IBA57: variants seen among roughly 807,000 people sequenced by gnomAD.
The protein encoded by IBA57 is iron-sulfur cluster assembly factor IBA57, mitochondrial.
IBA57 carries 20 observed loss-of-function variants against 20.4 expected under a neutral mutation model. That is an observed-to-expected ratio of 0.98 (90% CI 0.69 to 1.42). The LOEUF is 1.42. IBA57 is among the 40% of genes most tolerant of loss of function. The pLI is 0.00. For missense variants in IBA57, 608 were observed against 499.3 expected (o/e 1.22, Z -2.07); for synonymous variants, 310 against 233.9 (o/e 1.33, Z -2.97).
chr1:228,174,131 G>A (rs542070190), intron 1 of IBA57, among the ~76,000 whole-genome samples: 64 of 151,710 alleles, frequency 4.2e-4, no homozygotes, highest in African/African-American at 1.2e-3. Flanking sequence ...GTGGCTCGCT[G>A]TGGGCGTGGC....
At chr1:228,166,404 G>C (rs1325416244) in intron 1 of IBA57, among the ~76,000 whole-genome samples, 1 of 152,220 alleles carries the variant, frequency 6.6e-6, no homozygotes, top group South Asian at 2.1e-4. Flanking sequence ...CAGCACCCGG[G>C]GGAGGGCACC....
intron 1 of IBA57, among the ~76,000 whole-genome samples, chr1:228,167,859 C>T (rs1273763668): frequency 6.6e-6 from 1 of 152,226 alleles, no homozygotes; most frequent in East Asian, 1.9e-4. Flanking sequence ...ATTTCTTCAT[C>T]TTAAGAACTA....
intron 1 of IBA57, chr1:228,173,093 T>G (rs2034948829): frequency 1.3e-5 from 2 of 152,392 alleles, no homozygotes; most frequent in Admixed American, 6.5e-5. Context: ...TTCTGGGTGA[T>G]GAGCGTGAAC....
chr1:228,166,872 C>T (rs962262764), intron 1 of IBA57, among the ~76,000 whole-genome samples: 2 of 152,092 alleles, frequency 1.3e-5, no homozygotes, highest in African/African-American at 4.8e-5. Context: ...CTATGGCGGA[C>T]CCGGTTCTTG....
chr1:228,181,910 C>G lies in IBA57; in HGVS notation c.*6397C>G, dbSNP rs1202863058. 2.0e-5 allele frequency: 3 copies of G among 152,270 alleles called. No individual in the cohort carries two copies. Among genetic ancestry groups the G allele is most frequent in the African/African-American group, 7.2e-5 (3 of 41,456 alleles). 9.4% of individuals were successfully genotyped at this position (152,270 alleles called of 1,614,324 possible). Reference sequence around the variant, plus strand: ...CATGGAGACCCAGGGCAGTGCTCCACGTGCCAACCCTGGGGCAGGGAGCCC... The same window carrying G: ...CATGGAGACCCAGGGCAGTGCTCCAGGTGCCAACCCTGGGGCAGGGAGCCC... On this transcript the variant is annotated 3_prime_UTR_variant, in exon 3 of 3. Coordinates refer to ENST00000366711, the MANE Select transcript of IBA57 (RefSeq NM_001010867.4).
Position 228,179,148 on chromosome 1 carries a change from C to T in IBA57, c.*3635C>T, listed in dbSNP as rs902116376. 15 of 150,228 alleles carry T rather than the reference C, an allele frequency of 1.0e-4. No homozygotes were observed. The highest frequency in any genetic ancestry group is 3.2e-4 in the African/African-American group (13 of 40,770). 9.3% of individuals were successfully genotyped at this position (150,228 alleles called of 1,614,324 possible). On this transcript the variant is annotated 3_prime_UTR_variant, in exon 3 of 3. Coordinates refer to ENST00000366711, the MANE Select transcript of IBA57 (RefSeq NM_001010867.4). ...TAAGGTACAGGAAAGAAATTGTCAA[C>T]ACACACACACAGTACCATAAACAAG...
rs1162408697 is a variant in IBA57 at position 228,182,085 on chromosome 1, ACT to A, written c.*6578_*6579del. 1.3e-5 allele frequency: 2 copies of A among 151,898 alleles called. No individual in the cohort carries two copies. The highest frequency in any genetic ancestry group is 4.8e-5 in the African/African-American group (2 of 41,330). The allele number at this position is 151,898 out of a possible 1,614,324, so 9.4% of individuals were successfully genotyped here. A position where few individuals can be genotyped will look rare whatever the true frequency, so the allele number is the denominator to read the frequency against. ...ATTAATACATTTTGTTTTATGTCAG[ACT>A]CTCTCAGTGAGAAGTTCTCAGGGAC... On this transcript the variant is annotated 3_prime_UTR_variant, in exon 3 of 3. Coordinates refer to ENST00000366711, the MANE Select transcript of IBA57 (RefSeq NM_001010867.4).
Position 228,170,112 on chromosome 1 carries a change from G to T in IBA57, c.341+3955G>T, listed in dbSNP as rs1443900183. On this transcript the variant is annotated intron_variant, in intron 1 of 2. Coordinates refer to ENST00000366711, the MANE Select transcript of IBA57 (RefSeq NM_001010867.4). This position sits in a 1 kb window ranked among gnomAD's most constrained non-coding sequence, Gnocchi z 4.8. ...TCTCGAACTACTGACCTCATGATCCGCCCGCCTCGGCCTCCCAAAGTGCTG... is the reference window on the plus strand; with the variant it reads ...TCTCGAACTACTGACCTCATGATCCTCCCGCCTCGGCCTCCCAAAGTGCTG... Among the ~76,000 whole-genome samples, 1 of 152,002 alleles carries T rather than the reference G, an allele frequency of 6.6e-6. No homozygotes were observed.
chr1:228,166,814 C>T lies in IBA57; in HGVS notation c.341+657C>T, dbSNP rs945850277. Among the ~76,000 whole-genome samples the T allele has an allele frequency of 3.3e-5, 5 of 152,198 alleles. No homozygotes were observed. In the East Asian group the frequency reaches 9.6e-4, roughly 29 times the overall value. Reference sequence around the variant, plus strand: ...CAGGGACCTGGATCCCTGAAACCTCCGCCCGGTGGAGTGGATCTGGTTCGC... The same window carrying T: ...CAGGGACCTGGATCCCTGAAACCTCTGCCCGGTGGAGTGGATCTGGTTCGC... On this transcript the variant is annotated intron_variant, in intron 1 of 2. Transcript: ENST00000366711.
chr1:228,166,557 G>A (rs576449430), intron 1 of IBA57, among the ~76,000 whole-genome samples: 1 of 152,150 alleles, frequency 6.6e-6, no homozygotes, highest in African/African-American at 2.4e-5. Flanking sequence ...TTCTCCCTCC[G>A]CAGGGACAAG....
At position 228,170,468 on chromosome 1, in the gene IBA57, G is replaced by A. The variant is rs1010769143; in HGVS notation, c.342-4224G>A. Among the ~76,000 whole-genome samples the A allele has an allele frequency of 2.0e-5, 3 of 152,096 alleles. No homozygotes were observed. Among genetic ancestry groups the A allele is most frequent in the African/African-American group, 7.2e-5 (3 of 41,412 alleles). On this transcript the variant is annotated intron_variant, in intron 1 of 2. Coordinates refer to ENST00000366711, the MANE Select transcript of IBA57 (RefSeq NM_001010867.4). This position sits in a 1 kb window ranked among gnomAD's most constrained non-coding sequence, Gnocchi z 4.8. ...CCACCTCAGCCTCCCAAGTAGCCAGGACTACAGGTAGTTGAGGTCTCACTA... is the reference window on the plus strand; with the variant it reads ...CCACCTCAGCCTCCCAAGTAGCCAGAACTACAGGTAGTTGAGGTCTCACTA...
chr1:228,165,840 A>T lies in IBA57; in HGVS notation c.24A>T (p.Arg8=). The part of the protein sequence containing the change: MATAALL[R]GATPGRGGPV... ...AGATGGCGACCGCGGCGCTGCTTCGAGGCGCCACTCCGGGGCGCGGCGGCC... is the reference window on the plus strand; with the variant it reads ...AGATGGCGACCGCGGCGCTGCTTCGTGGCGCCACTCCGGGGCGCGGCGGCC... The change falls in exon 1 of 3, where the codon CGA becomes CGT. Residue 8 remains arginine (R), a synonymous_variant. Coordinates refer to ENST00000366711, the MANE Select transcript of IBA57 (RefSeq NM_001010867.4). 7.7e-7 allele frequency: 1 copy of T among 1,306,562 alleles called. No homozygotes were observed. Among genetic ancestry groups the T allele is most frequent in the South Asian group, 2.3e-5 (1 of 43,084 alleles). The allele number at this position is 1,306,562 out of a possible 1,614,324, so 80.9% of individuals were successfully genotyped here.
intron 1 of IBA57, chr1:228,171,847 A>G: frequency 6.5e-6 from 1 of 153,164 alleles, no homozygotes; most frequent in Non-Finnish European, 1.5e-5. Context: ...TCCGGCGCCC[A>G]GCATCCTGTG....
rs1330331804 is a variant in IBA57 at position 228,174,679 on chromosome 1, T to C, written c.342-13T>C. On this transcript the variant is annotated splice_polypyrimidine_tract_variant and intron_variant, in intron 1 of 2. Transcript: ENST00000366711. ...TGGTGAGCTGCCATGCGCCCCTGCC[T>C]CTCTCCCTGCAGGCTCCAGGAACAC... The C allele has an allele frequency of 5.9e-6, 9 of 1,528,136 alleles. No homozygotes were observed. Among genetic ancestry groups the C allele is most frequent in the Non-Finnish European group, 7.0e-6 (8 of 1,139,480 alleles). 94.7% of individuals were successfully genotyped at this position (1,528,136 alleles called of 1,614,324 possible).
At chr1:228,167,128 G>A in intron 1 of IBA57, among the ~76,000 whole-genome samples, 1 of 152,206 alleles carries the variant, frequency 6.6e-6, no homozygotes, top group East Asian at 1.9e-4. Flanking sequence ...TGTGAACTGT[G>A]TTTTTCTCAG....
chr1:228,174,872 G>C lies in IBA57; in HGVS notation c.522G>C (p.Ser174=). ...PSSPEACGAA[S]LQERAGAAAI... is the part of the protein sequence containing the mutation. ...CCCCTGAGGCCTGCGGGGCTGCATCGCTGCAGGAGAGGGCAGGGGCTGCCG... is the reference window on the plus strand; with the variant it reads ...CCCCTGAGGCCTGCGGGGCTGCATCCCTGCAGGAGAGGGCAGGGGCTGCCG... The change falls in exon 2 of 3, where the codon TCG becomes TCC. Residue 174 remains serine (S), a synonymous_variant. Transcript: ENST00000366711. 1 of 1,608,972 alleles carries C rather than the reference G, an allele frequency of 6.2e-7. No homozygotes were observed. The highest frequency in any genetic ancestry group is 2.2e-5 in the East Asian group (1 of 44,778).
chr1:228,181,201 G>A lies in IBA57; in HGVS notation c.*5688G>A, dbSNP rs984318499. 1 of 152,268 alleles carries A rather than the reference G, an allele frequency of 6.6e-6. No individual in the cohort carries two copies. The highest frequency in any genetic ancestry group is 1.5e-5 in the Non-Finnish European group (1 of 68,080). 9.4% of individuals were successfully genotyped at this position (152,268 alleles called of 1,614,324 possible). A position where few individuals can be genotyped will look rare whatever the true frequency, so the allele number is the denominator to read the frequency against. Reference sequence around the variant, plus strand: ...CTCCAGTGTTCAAAGCACCATCTTGGAGGTGGAATTCCCAAGTCGGCCAGT... The same window carrying A: ...CTCCAGTGTTCAAAGCACCATCTTGAAGGTGGAATTCCCAAGTCGGCCAGT... On this transcript the variant is annotated 3_prime_UTR_variant, in exon 3 of 3. Coordinates refer to ENST00000366711, the MANE Select transcript of IBA57 (RefSeq NM_001010867.4).
Position 228,174,911 on chromosome 1 carries a change from C to T in IBA57, c.561C>T (p.Arg187=), listed in dbSNP as rs1046633349. The change falls in exon 2 of 3, where the codon CGC becomes CGT. Residue 187 remains arginine, a synonymous_variant. Transcript: ENST00000366711. ...CAGGGGCTGCCGCCATCCTCATCCG[C>T]GACCCGCGAACAGCACGCATGGGGT... ...ERAGAAAILI[R]DPRTARMGWR... is the part of the protein sequence containing the mutation. 16 of 1,601,010 alleles carry T rather than the reference C, an allele frequency of 1.0e-5. No homozygotes were observed. Among genetic ancestry groups the T allele is most frequent in the Non-Finnish European group, 1.2e-5 (14 of 1,173,474 alleles).
intron 1 of IBA57, 61 bp from the exon 2 acceptor site, chr1:228,174,631 C>G: frequency 7.0e-7 from 1 of 1,425,848 alleles, no homozygotes; most frequent in Non-Finnish European, 9.3e-7. Flanking sequence ...CTCCCTCATG[C>G]AGCCCTTTCT....
Sources: gnomAD v4.1 joint callset for allele counts (sites outside exome capture counted in the v4.1 genomes callset) on GRCh38, gnomAD v4.1.1 for gene constraint, Gnocchi (gnomAD v3.1) non-coding constraint, MANE v1.5 for transcripts, NCBI Gene and HGNC (gene_info 2026-07-23, HGNC 2026-07-21) for gene names.